The following SORCS2 variants were observed in gnomAD, a reference collection of about 807,000 sequenced individuals.
SORCS2 encodes the protein sortilin related VPS10 domain containing receptor 2.
In SORCS2, 100 loss-of-function variants were observed where a neutral mutation model predicts 141.6. The observed-to-expected ratio is 0.71, with a 90% confidence interval of 0.60 to 0.83. The LOEUF is 0.83. Among genes scored for constraint, SORCS2 ranks in the 40% least tolerant of loss-of-function variants. The pLI is 0.00. For synonymous variants in SORCS2, 789 were observed against 676.9 expected (o/e 1.17, Z -2.57); for missense variants, 1,646 against 1,560.2 (o/e 1.05, Z -0.93).
intron 8 of SORCS2, 89 bp from the exon 9 acceptor site, chr4:7,675,961 C>T: frequency 1.4e-6 from 2 of 1,434,870 alleles, no homozygotes; most frequent in East Asian, 2.5e-5. Flanking sequence ...GGGTCTTCTG[C>T]ACCCTCACGG....
At chr4:7,635,520 C>T (rs950514647) in intron 3 of SORCS2, among the ~76,000 whole-genome samples, 5 of 152,204 alleles carry the variant, frequency 3.3e-5, no homozygotes, top group African/African-American at 9.7e-5. Context: ...TATTTGTCCA[C>T]TCATTTGTCA....
intron 19 of SORCS2, among the ~76,000 whole-genome samples, chr4:7,724,510 GTGA>G (rs1726936748): frequency 2.1e-5 from 3 of 141,160 alleles, no homozygotes; most frequent in African/African-American, 5.5e-5. Context: ...AATGGTGGTG[GTGA>G]TGGTGGTGAT....
At chr4:7,405,873 T>C (rs1391811339) in intron 2 of SORCS2, among the ~76,000 whole-genome samples, 3 of 152,170 alleles carry the variant, frequency 2.0e-5, no homozygotes, top group Non-Finnish European at 2.9e-5. Context: ...TCCAGTACCA[T>C]GTTGAATACG....
At chr4:7,702,786 G>A (rs975737485) in intron 12 of SORCS2, among the ~76,000 whole-genome samples, 1 of 152,244 alleles carries the variant, frequency 6.6e-6, no homozygotes, top group Admixed American at 6.5e-5. Flanking sequence ...AATGACAGAT[G>A]AGCATAGTAA....
intron 2 of SORCS2, among the ~76,000 whole-genome samples, chr4:7,422,015 G>T (rs1418898458): frequency 6.6e-6 from 1 of 152,132 alleles, no homozygotes; most frequent in Non-Finnish European, 1.5e-5. Flanking sequence ...AGTGGGAGGG[G>T]TTGAACCACA....
At chr4:7,583,948 T>C (rs1433056984) in intron 3 of SORCS2, among the ~76,000 whole-genome samples, 1 of 152,208 alleles carries the variant, frequency 6.6e-6, no homozygotes, top group Non-Finnish European at 1.5e-5. Context: ...ACGTCTTATA[T>C]GCAGCCTTTA....
At chr4:7,590,541 A>T (rs542292922) in intron 3 of SORCS2, among the ~76,000 whole-genome samples, 5 of 152,290 alleles carry the variant, frequency 3.3e-5, no homozygotes, top group Admixed American at 1.3e-4. Flanking sequence ...GTCAGGCAGC[A>T]TTCTCATGTG....
At chr4:7,434,622 GT>G in intron 2 of SORCS2, 4 of 1,613,366 alleles carry the variant, frequency 2.5e-6, no homozygotes, top group Non-Finnish European at 3.4e-6. Context: ...AAGCCAGGAT[GT>G]CAGACTCCGT....
chr4:7,704,555 G>C (rs763542224), intron 14 of SORCS2, among the ~76,000 whole-genome samples: 180 of 152,178 alleles, frequency 1.2e-3, no homozygotes, highest in Non-Finnish European at 1.2e-3. Flanking sequence ...TATGGCTTAG[G>C]GCCTGACACC....
At chr4:7,316,130 TATCTATTCATCC>T (rs933805542) in intron 1 of SORCS2, among the ~76,000 whole-genome samples, 7 of 151,536 alleles carry the variant, frequency 4.6e-5, no homozygotes, top group East Asian at 1.9e-4. Context: ...ACCATCCATT[TATCTATTCATCC>T]ATCCATTCAT....
rs552523864 is a variant in SORCS2 at position 7,721,813 on chromosome 4, G to A, written c.2425-1884G>A. On this transcript the variant is annotated intron_variant, in intron 18 of 26. Transcript: ENST00000507866. The stretch of plus-strand genomic sequence containing the variant: ...CAAGATGTTAGCCTTGGGGAGAGCC[G>A]GGTACGGGGCACACAGGGTGGATCT... 6.6e-5 allele frequency among the ~76,000 whole-genome samples: 10 copies of A among 152,228 alleles called. No homozygotes were observed. In the East Asian group the frequency reaches 9.7e-4, roughly 15 times the overall value.
intron 1 of SORCS2, among the ~76,000 whole-genome samples, chr4:7,376,538 C>T (rs1034959588): frequency 6.6e-5 from 10 of 152,156 alleles, no homozygotes; most frequent in Non-Finnish European, 1.5e-4. Flanking sequence ...GATTGCGCCA[C>T]TTTACTCCAG....
At chr4:7,596,559 C>A (rs150829315) in intron 3 of SORCS2, among the ~76,000 whole-genome samples, 1 of 152,322 alleles carries the variant, frequency 6.6e-6, no homozygotes, top group Non-Finnish European at 1.5e-5. Context: ...TATCTCCTTT[C>A]GTGCTAAAAC....
rs1035648816 is a variant in SORCS2 at position 7,683,457 on chromosome 4, A to G, written c.1488+568A>G. Among the ~76,000 whole-genome samples the G allele has an allele frequency of 2.0e-5, 3 of 152,062 alleles. No individual in the cohort carries two copies. The East Asian group carries it at 5.8e-4, about 29-fold the overall frequency. On this transcript the variant is annotated intron_variant, in intron 10 of 26. Transcript: ENST00000507866. ...TGGGCTTGCTCATGTCAGGGAATGG[A>G]CTGATTTAGGCTGGTCTCTGCTCTG...
intron 1 of SORCS2, among the ~76,000 whole-genome samples, chr4:7,281,136 C>G (rs1306273931): frequency 6.6e-6 from 1 of 152,166 alleles, no homozygotes; most frequent in African/African-American, 2.4e-5. Flanking sequence ...GCAGAAAACA[C>G]CCGGAGGCCT....
intron 8 of SORCS2, among the ~76,000 whole-genome samples, chr4:7,668,485 G>A (rs572748402): frequency 1.3e-5 from 2 of 152,296 alleles, no homozygotes; most frequent in Non-Finnish European, 2.9e-5. Flanking sequence ...TGGAGTGGGA[G>A]GGGCCAGCAG....
intron 14 of SORCS2, among the ~76,000 whole-genome samples, chr4:7,707,156 T>C (rs980560807): frequency 5.9e-5 from 9 of 152,200 alleles, no homozygotes; most frequent in Non-Finnish European, 1.2e-4. Flanking sequence ...AGGATGCTCT[T>C]CTGCTCTGCC....
At chr4:7,224,650 C>T (rs780322883) in intron 1 of SORCS2, among the ~76,000 whole-genome samples, 1 of 152,218 alleles carries the variant, frequency 6.6e-6, no homozygotes, top group Non-Finnish European at 1.5e-5. Context: ...ACTCCATCCC[C>T]GTGACCTCCC....
In SORCS2 at chr4:7,742,027, C is replaced by G. The variant is rs1002134464; in HGVS notation, c.*1763C>G. On this transcript the variant is annotated 3_prime_UTR_variant, in exon 27 of 27. Transcript: ENST00000507866. ...GGGCCACACAGGCGTGGAGGTGTCC[C>G]CACCCCTTCCACCTGTCCCCCAGAC... 3 of 152,178 alleles carry G rather than the reference C, an allele frequency of 2.0e-5. No individual in the cohort carries two copies. The highest frequency in any genetic ancestry group is 7.2e-5 in the African/African-American group (3 of 41,418). 9.4% of individuals were successfully genotyped at this position (152,178 alleles called of 1,614,324 possible). A position where few individuals can be genotyped will look rare whatever the true frequency, so the allele number is the denominator to read the frequency against.
Sources: gnomAD v4.1 joint callset for allele counts (sites outside exome capture counted in the v4.1 genomes callset) on GRCh38, gnomAD v4.1.1 for gene constraint, MANE v1.5 for transcripts, NCBI Gene and HGNC (gene_info 2026-07-23, HGNC 2026-07-21) for gene names.